TNRC6A: variants seen among roughly 807,000 people sequenced by gnomAD.
The protein encoded by TNRC6A is trinucleotide repeat-containing gene 6A protein.
Under a neutral mutation model 221.2 loss-of-function variants are expected in TNRC6A, and 44 were observed. The observed-to-expected ratio is 0.20, with a 90% confidence interval of 0.16 to 0.26. TNRC6A has a LOEUF of 0.26. TNRC6A is among the 10% of genes least tolerant of loss of function. The pLI, the probability that TNRC6A is intolerant of heterozygous loss-of-function variation, is 1.00. For missense variants in TNRC6A, 2,199 were observed against 2,404.4 expected (o/e 0.91, Z 1.79); for synonymous variants, 847 against 838.5 (o/e 1.01, Z -0.18).
At chr16:24,646,315 A>C (rs537033593) in intron 2 of TNRC6A, among the ~76,000 whole-genome samples, 26 of 152,294 alleles carry the variant, frequency 1.7e-4, no homozygotes, top group Non-Finnish European at 3.8e-4. Context: ...ATCTTTGTAA[A>C]ACTCTTCCAT....
chr16:24,811,095 C>T (rs1021367083), intron 18 of TNRC6A, among the ~76,000 whole-genome samples: 1 of 152,144 alleles, frequency 6.6e-6, no homozygotes, highest in Non-Finnish European at 1.5e-5. Flanking sequence ...AGGTGTAAGG[C>T]ATGCAGAGGC....
At position 24,789,315 on chromosome 16, in the gene TNRC6A, T is replaced by C; in HGVS notation, c.673T>C (p.Cys225Arg). 1 of 1,614,200 alleles carries C rather than the reference T, an allele frequency of 6.2e-7. No homozygotes were observed. Among genetic ancestry groups the C allele is most frequent in the South Asian group, 1.1e-5 (1 of 91,078 alleles). ...TTCTACAAGTGATTCTAGCACAAAC[T>C]GTAAGAATGCTGTTGTAAGTGACTT... ...VSSTSDSSTN[C>R]KNAVVSDLSE... Residue 225 changes from cysteine to arginine, a missense_variant, in exon 6 of 25, where the codon TGT becomes CGT. Cys to Arg is a radical substitution (Grantham distance 180). Coordinates refer to ENST00000395799, the MANE Select transcript of TNRC6A (RefSeq NM_014494.4).
intron 4 of TNRC6A, among the ~76,000 whole-genome samples, chr16:24,774,514 A>AT (rs1167961964): frequency 1.3e-5 from 2 of 152,204 alleles, no homozygotes; most frequent in African/African-American, 4.8e-5. Flanking sequence ...TGATAAATAA[A>AT]AAGCATCTTC....
intron 3 of TNRC6A, among the ~76,000 whole-genome samples, chr16:24,755,229 G>A (rs755628134): frequency 6.6e-6 from 1 of 152,194 alleles, no homozygotes; most frequent in Non-Finnish European, 1.5e-5. Context: ...TCAGTGAATT[G>A]AGCTAGATTA....
chr16:24,666,281 A>T (rs2055157862), intron 2 of TNRC6A, among the ~76,000 whole-genome samples: 1 of 151,924 alleles, frequency 6.6e-6, no homozygotes, highest in Non-Finnish European at 1.5e-5. Context: ...ATCCTGGCTA[A>T]CACAGTGAAA....
intron 2 of TNRC6A, among the ~76,000 whole-genome samples, chr16:24,672,708 T>G (rs1395291326): frequency 2.0e-5 from 3 of 152,072 alleles, no homozygotes; most frequent in Admixed American, 2.0e-4. Context: ...CCTCCCAAAG[T>G]GCTAGGATTA....
intron 2 of TNRC6A, among the ~76,000 whole-genome samples, chr16:24,722,199 C>T (rs1290952625): frequency 6.6e-6 from 1 of 152,072 alleles, no homozygotes; most frequent in Non-Finnish European, 1.5e-5. Context: ...TCACTAGAGG[C>T]CAGGCATTGA....
At chr16:24,699,796 G>C (rs1253303118) in intron 2 of TNRC6A, among the ~76,000 whole-genome samples, 3 of 151,788 alleles carry the variant, frequency 2.0e-5, no homozygotes, top group Non-Finnish European at 4.4e-5. Context: ...GCACTGAGCT[G>C]AAGGGCCACA....
intron 18 of TNRC6A, among the ~76,000 whole-genome samples, chr16:24,810,515 G>A (rs1056396215): frequency 3.3e-5 from 5 of 152,152 alleles, no homozygotes; most frequent in African/African-American, 7.2e-5. Context: ...GGAGCATTGA[G>A]TCAGGAATAA....
chr16:24,748,595 A>G (rs16973977), intron 2 of TNRC6A, among the ~76,000 whole-genome samples: 5,012 of 152,132 alleles, frequency 0.033, 280 homozygotes, highest in African/African-American at 0.11. Context: ...TAGTAGTCCT[A>G]TACTTTACTA....
intron 1 of TNRC6A, among the ~76,000 whole-genome samples, chr16:24,637,408 C>T (rs769412084): frequency 7.9e-5 from 12 of 152,106 alleles, no homozygotes; most frequent in South Asian, 2.1e-4. Flanking sequence ...GGATGCCATG[C>T]GGAGGTCACT....
Position 24,804,570 on chromosome 16 carries a change from C to T in TNRC6A, c.3838-135C>T, listed in dbSNP as rs533777876. Reference sequence around the variant, plus strand: ...GTGTGCTCTAGAATTAACACTAATCCGATCTCTTCTGTTTTCTACCTGTTT... The same window carrying T: ...GTGTGCTCTAGAATTAACACTAATCTGATCTCTTCTGTTTTCTACCTGTTT... On this transcript the variant is annotated intron_variant, in intron 12 of 24. Transcript: ENST00000395799. The T allele has an allele frequency of 1.4e-4, 186 of 1,339,872 alleles. 2 individuals carry two copies. Among genetic ancestry groups the T allele is most frequent in the Admixed American group, 1.1e-3 (44 of 38,608 alleles). 83.0% of individuals were successfully genotyped at this position (1,339,872 alleles called of 1,614,324 possible).
At chr16:24,643,737 C>T (rs1053745797) in intron 2 of TNRC6A, among the ~76,000 whole-genome samples, 3 of 148,970 alleles carry the variant, frequency 2.0e-5, no homozygotes, top group African/African-American at 7.4e-5. Context: ...TTAGTAGCAA[C>T]AATACAGTGG....
At chr16:24,776,176 C>G in intron 4 of TNRC6A, 1 of 826,494 alleles carries the variant, frequency 1.2e-6, no homozygotes, top group Non-Finnish European at 1.5e-6. Flanking sequence ...ACTGGGTTTA[C>G]TTACACTAGC....
chr16:24,721,125 A>C (rs556502324), intron 2 of TNRC6A, among the ~76,000 whole-genome samples: 17 of 152,336 alleles, frequency 1.1e-4, no homozygotes, highest in South Asian at 1.0e-3. Flanking sequence ...GCTGCTGAGG[A>C]GAGGCAGCAA....
intron 17 of TNRC6A, among the ~76,000 whole-genome samples, chr16:24,808,929 C>G (rs1301880326): frequency 6.6e-6 from 1 of 152,172 alleles, no homozygotes; most frequent in African/African-American, 2.4e-5. Context: ...TGAGGGGCCT[C>G]ATCAGCAAAG....
At chr16:24,766,476 T>A (rs1596651758) in intron 4 of TNRC6A, among the ~76,000 whole-genome samples, 1 of 152,008 alleles carries the variant, frequency 6.6e-6, no homozygotes, top group African/African-American at 2.4e-5. Context: ...TACCCAGAAG[T>A]GATTTGCTTT....
At chr16:24,804,570 C>A (rs533777876) in intron 12 of TNRC6A, 135 bp from the exon 13 acceptor site, 1 of 1,339,884 alleles carries the variant, frequency 7.5e-7, no homozygotes, top group Non-Finnish European at 1.0e-6. Flanking sequence ...AACACTAATC[C>A]GATCTCTTCT....
intron 2 of TNRC6A, among the ~76,000 whole-genome samples, chr16:24,687,345 G>A (rs1050206784): frequency 1.3e-5 from 2 of 152,212 alleles, no homozygotes; most frequent in South Asian, 2.1e-4. Flanking sequence ...CTCAGTGGAT[G>A]TGTGGATGAT....
Sources: allele counts gnomAD v4.1 joint callset (sites outside exome capture counted in the v4.1 genomes callset), GRCh38; gene constraint gnomAD v4.1.1; transcripts MANE v1.5; gene names NCBI Gene and HGNC (gene_info 2026-07-23, HGNC 2026-07-21).